The following STXBP3 variants were observed in gnomAD, a reference collection of about 807,000 sequenced individuals.
STXBP3 encodes the protein syntaxin-binding protein 3.
STXBP3 carries 41 observed loss-of-function variants against 85.7 expected under a neutral mutation model. The observed-to-expected ratio is 0.48, with a 90% CI of 0.37 to 0.62. STXBP3 has a LOEUF of 0.62. Ranked by LOEUF, STXBP3 falls within the 20% of genes least tolerant of loss-of-function variation. STXBP3 has a pLI of 0.00. For missense variants in STXBP3, 563 were observed against 703.1 expected (o/e 0.80, Z 2.25); for synonymous variants, 229 against 231.7 (o/e 0.99, Z 0.10).
chr1:108,765,527 T>C (rs999673334), intron 6 of STXBP3, among the ~76,000 whole-genome samples: 8 of 151,020 alleles, frequency 5.3e-5, no homozygotes, highest in African/African-American at 2.0e-4. Context: ...AAGCTCACTG[T>C]GCAAAGGTGT....
intron 15 of STXBP3, among the ~76,000 whole-genome samples, 191 bp from the exon 16 acceptor site, chr1:108,797,954 G>A (rs910026573): frequency 6.6e-6 from 1 of 152,108 alleles, no homozygotes; most frequent in African/African-American, 2.4e-5. Flanking sequence ...TAGCATTAAA[G>A]CACAAAATAC....
chr1:108,779,304 C>T lies in STXBP3; in HGVS notation c.703C>T (p.Leu235Phe). 6.2e-7 allele frequency: 1 copy of T among 1,612,192 alleles called. No homozygotes were observed. Among genetic ancestry groups the T allele is most frequent in the South Asian group, 1.1e-5 (1 of 90,596 alleles). Reference sequence around the variant, plus strand: ...ATTCTAGGGTAAAACTCATTCACAGCTCTTAATAATTGATCGTGGCTTTGA... The same window carrying T: ...ATTCTAGGGTAAAACTCATTCACAGTTCTTAATAATTGATCGTGGCTTTGA... ...SLIKGKTHSQ[L>F]LIIDRGFDPV... The change falls in exon 9 of 19, where the codon CTC becomes TTC. Residue 235 changes from leucine to phenylalanine, a missense_variant. Around this residue, in one of 3 missense-constraint regions of STXBP3, gnomAD observed 494 missense variants for 592.8 expected, o/e 0.83. Transcript: ENST00000370008.
At chr1:108,796,519 T>G in intron 14 of STXBP3, 101 bp from the exon 15 acceptor site, 1 of 1,234,408 alleles carries the variant, frequency 8.1e-7, no homozygotes, top group African/African-American at 1.5e-5. Context: ...AATTTGACTG[T>G]TTTTTATTTT....
At chr1:108,801,657 ATT>A (rs34183658) in intron 17 of STXBP3, among the ~76,000 whole-genome samples, 2 of 142,494 alleles carry the variant, frequency 1.4e-5, no homozygotes, top group Non-Finnish European at 3.1e-5. Context: ...CCTTTTTTTA[ATT>A]TTTTTTTTTT....
chr1:108,795,161 T>G (rs2101132227), intron 13 of STXBP3, among the ~76,000 whole-genome samples: 1 of 152,284 alleles, frequency 6.6e-6, no homozygotes, highest in South Asian at 2.1e-4. Flanking sequence ...ATTTAAATTT[T>G]GGGAGCATGA....
intron 4 of STXBP3, among the ~76,000 whole-genome samples, chr1:108,758,094 T>C (rs1362360708): frequency 6.6e-6 from 1 of 152,052 alleles, no homozygotes; most frequent in Non-Finnish European, 1.5e-5. Flanking sequence ...ACTTCAACAC[T>C]TCTCCAGTCA....
chr1:108,774,643 T>C (rs1183170632), intron 7 of STXBP3, among the ~76,000 whole-genome samples: 7 of 39,664 alleles, frequency 1.8e-4, no homozygotes, highest in African/African-American at 1.6e-3. Flanking sequence ...TTCTTTCCTT[T>C]TTTTTTTTTT....
chr1:108,754,534 A>C (rs934845279), intron 3 of STXBP3, among the ~76,000 whole-genome samples: 9 of 152,186 alleles, frequency 5.9e-5, no homozygotes, highest in African/African-American at 2.2e-4. Context: ...GAACCATTTG[A>C]TAATACATAA....
intron 9 of STXBP3, chr1:108,782,015 T>G (rs532992134): frequency 1.3e-5 from 2 of 155,740 alleles, no homozygotes; most frequent in African/African-American, 4.8e-5. Context: ...CTGGCCGATA[T>G]TCCTGTTCTT....
In STXBP3 at chr1:108,799,544, C is replaced by A. The variant is rs1283225621; in HGVS notation, c.1450-676C>A. Among the ~76,000 whole-genome samples, 5 of 152,182 alleles carry A rather than the reference C, an allele frequency of 3.3e-5. No individual in the cohort carries two copies. The East Asian group carries it at 9.7e-4, about 29-fold the overall frequency. ...CTTCTTGCAGTCTTACTGAAATATT[C>A]TTGGACTACTGAGTACTTTGTGCCC... On this transcript the variant is annotated intron_variant, in intron 16 of 18. Coordinates refer to ENST00000370008, the MANE Select transcript of STXBP3 (RefSeq NM_007269.4).
chr1:108,773,860 C>T (rs1038259204), intron 7 of STXBP3, among the ~76,000 whole-genome samples: 47 of 151,762 alleles, frequency 3.1e-4, no homozygotes, highest in African/African-American at 1.1e-3. Context: ...TGCATTATAT[C>T]GAGATGACGA....
In STXBP3 at chr1:108,807,515, T is replaced by C. The variant is rs114058555; in HGVS notation, c.1650T>C (p.Val550=). 380 of 1,612,408 alleles carry C rather than the reference T, an allele frequency of 2.4e-4. No individual in the cohort carries two copies. The African/African-American group carries it at 4.4e-3, about 19-fold the overall frequency. The stretch of plus-strand genomic sequence containing the variant: ...CTGAAGTGCGTTGTGCTTATGAAGT[T>C]TCTCAGGCACATAAATCCTGTGAAG... ...TYSEVRCAYE[V]SQAHKSCEVI... The change falls in exon 18 of 19, where the codon GTT becomes GTC. Residue 550 remains valine (V), a synonymous_variant. Transcript: ENST00000370008.
intron 17 of STXBP3, among the ~76,000 whole-genome samples, chr1:108,801,504 G>T (rs920674993): frequency 6.6e-6 from 1 of 151,996 alleles, no homozygotes; most frequent in Non-Finnish European, 1.5e-5. Context: ...GCTTCTAGTG[G>T]TTGCCCCTAT....
chr1:108,779,440 G>A (rs373978225), intron 9 of STXBP3, 30 bp downstream of exon 9: 264 of 1,593,480 alleles, frequency 1.7e-4, no homozygotes, highest in Non-Finnish European at 2.1e-4. Context: ...CATATAAAGG[G>A]CATATACAAA....
At chr1:108,764,898 C>A (rs189514668) in intron 6 of STXBP3, among the ~76,000 whole-genome samples, 11 of 152,248 alleles carry the variant, frequency 7.2e-5, no homozygotes, top group Non-Finnish European at 1.6e-4. Context: ...TTTCATTTGT[C>A]GGTTGTTGCT....
At chr1:108,767,061 T>C in intron 6 of STXBP3, 5 of 376,622 alleles carry the variant, frequency 1.3e-5, no homozygotes, top group South Asian at 6.8e-5. Flanking sequence ...TCCAAGGAGA[T>C]TGCAGCATTA....
chr1:108,794,048 C>T (rs186825562), intron 12 of STXBP3, among the ~76,000 whole-genome samples: 1 of 152,254 alleles, frequency 6.6e-6, no homozygotes, highest in African/African-American at 2.4e-5. Context: ...TCCTTAAAAA[C>T]ACTATCAGAA....
intron 13 of STXBP3, among the ~76,000 whole-genome samples, chr1:108,795,376 G>A (rs912720687): frequency 4.6e-5 from 7 of 151,628 alleles, no homozygotes; most frequent in African/African-American, 7.3e-5. Context: ...TTAATTTTAC[G>A]AATAAGTTGG....
intron 17 of STXBP3, among the ~76,000 whole-genome samples, chr1:108,805,736 A>G (rs929804862): frequency 1.3e-5 from 2 of 152,116 alleles, no homozygotes; most frequent in African/African-American, 4.8e-5. Flanking sequence ...AACATTATTA[A>G]AAGTTTGCTA....
Sources: gnomAD v4.1 joint callset for allele counts (sites outside exome capture counted in the v4.1 genomes callset) on GRCh38, gnomAD v4.1.1 for gene constraint, gnomAD v4.1.1 regional missense constraint, MANE v1.5 for transcripts, NCBI Gene and HGNC (gene_info 2026-07-23, HGNC 2026-07-21) for gene names.